LTBP1: variants seen among roughly 807,000 people sequenced by gnomAD.
LTBP1 encodes the protein latent transforming growth factor beta binding protein 1.
LTBP1 carries 129 observed loss-of-function variants against 207.6 expected under a neutral mutation model. The ratio of observed to expected loss-of-function variants is 0.62; its 90% CI spans 0.54 to 0.72. The LOEUF is 0.72. Among genes scored for constraint, LTBP1 ranks in the 30% least tolerant of loss-of-function variants. LTBP1 has a pLI of 0.00. For synonymous variants in LTBP1, 963 were observed against 833.7 expected (o/e 1.16, Z -2.67); for missense variants, 2,281 against 2,217.2 (o/e 1.03, Z -0.58).
At chr2:33,389,617 G>A (rs984557918) in intron 32 of LTBP1, among the ~76,000 whole-genome samples, 4 of 152,128 alleles carry the variant, frequency 2.6e-5, no homozygotes, top group Non-Finnish European at 4.4e-5. Flanking sequence ...GAATAGTCTT[G>A]CTGGTGGGGA....
chr2:33,054,064 C>G (rs219073), intron 3 of LTBP1, among the ~76,000 whole-genome samples: 123,603 of 152,116 alleles, frequency 0.81, 53,157 homozygotes, highest in Non-Finnish European at 0.97. Context: ...GAGTGCAGGA[C>G]AATACAGAAG....
At chr2:33,303,051 A>G (rs997883365) in intron 22 of LTBP1, among the ~76,000 whole-genome samples, 1 of 152,036 alleles carries the variant, frequency 6.6e-6, no homozygotes, top group African/African-American at 2.4e-5. Flanking sequence ...ATAATATAAG[A>G]TAGGACTATG....
At position 33,134,811 on chromosome 2, in the gene LTBP1, G is replaced by C; in HGVS notation, c.1052G>C (p.Arg351Pro). 3 of 1,613,962 alleles carry C rather than the reference G, an allele frequency of 1.9e-6. No individual in the cohort carries two copies. Among genetic ancestry groups the C allele is most frequent in the Non-Finnish European group, 2.5e-6 (3 of 1,179,996 alleles). ...APFQLSNHTG[R>P]IKVVFTPSIC... ...CTCCTAGTGAGTAACCACACTGGCCGCATCAAGGTGGTCTTTACTCCGAGC... is the reference window on the plus strand; with the variant it reads ...CTCCTAGTGAGTAACCACACTGGCCCCATCAAGGTGGTCTTTACTCCGAGC... Residue 351 changes from arginine (R) to proline (P), a missense_variant, in exon 5 of 34, where the codon CGC (arginine) becomes CCC (proline). Arg to Pro is a moderately radical substitution (Grantham distance 103). This residue lies in a region of LTBP1 where 555 missense variants were observed against 491.0 expected (regional missense o/e 1.13). Coordinates refer to ENST00000404816, the MANE Select transcript of LTBP1 (RefSeq NM_206943.4). This position sits in a 1 kb window ranked among gnomAD's most constrained non-coding sequence, Gnocchi z 4.4.
At chr2:32,991,959 T>C (rs1340515862) in intron 2 of LTBP1, among the ~76,000 whole-genome samples, 3 of 152,222 alleles carry the variant, frequency 2.0e-5, no homozygotes, top group African/African-American at 7.2e-5. Flanking sequence ...CTGGTATTAT[T>C]GGTCTCCACT....
chr2:33,086,998 A>G (rs1572569869), intron 3 of LTBP1, among the ~76,000 whole-genome samples: 1 of 147,434 alleles, frequency 6.8e-6, no homozygotes, highest in South Asian at 2.2e-4. Context: ...GATCACAGAG[A>G]TTATTCTTAG....
At chr2:33,300,638 G>A (rs1042287591) in intron 21 of LTBP1, 65 bp downstream of exon 21, 18 of 1,516,808 alleles carry the variant, frequency 1.2e-5, no homozygotes, top group South Asian at 7.4e-5. Context: ...AAAAAGGTAC[G>A]CTCAATCAAG....
At chr2:32,968,203 T>C (rs1680284248) in intron 2 of LTBP1, among the ~76,000 whole-genome samples, 1 of 152,186 alleles carries the variant, frequency 6.6e-6, no homozygotes, top group Non-Finnish European at 1.5e-5. Flanking sequence ...CCTTATCAGG[T>C]GATCCGCCTG....
rs1481591155 is a variant in LTBP1, at chr2:33,300,495, T to G, written c.3280T>G (p.Cys1094Gly). 2 of 1,613,702 alleles carry G rather than the reference T, an allele frequency of 1.2e-6. No individual in the cohort carries two copies. Among genetic ancestry groups the G allele is most frequent in the Non-Finnish European group, 1.7e-6 (2 of 1,179,802 alleles). ...AGGGAATCTATGTGTAAACGGGCAG[T>G]GCAAAAATACCGAGGGCTCCTTCAG... is the stretch of plus-strand genomic sequence containing the variant. ...QQGNLCVNGQ[C>G]KNTEGSFRCT... Residue 1094 changes from cysteine (C) to glycine (G), a missense_variant, in exon 21 of 34, where the codon TGC becomes GGC. By Grantham distance (159) the Cys-to-Gly change is radical. Coordinates refer to ENST00000404816, the MANE Select transcript of LTBP1 (RefSeq NM_206943.4).
In LTBP1 at chr2:33,238,052, A is replaced by G. The variant is rs115531291; in HGVS notation, c.1877-5610A>G. On this transcript the variant is annotated intron_variant, in intron 9 of 33. Transcript: ENST00000404816. ...TTCTTTGGAAGTTTAAGAAATATAT[A>G]TATTGTCTAAGTGATCCTTATTAAA... is the stretch of plus-strand genomic sequence containing the variant. Among the ~76,000 whole-genome samples the G allele has an allele frequency of 6.8e-3, 1,032 of 151,612 alleles. 5 individuals are homozygous for G. Among genetic ancestry groups the G allele is most frequent in the Middle Eastern group, 0.034 (10 of 294 alleles).
intron 3 of LTBP1, among the ~76,000 whole-genome samples, chr2:33,036,522 A>C (rs373952231): frequency 1.3e-5 from 2 of 151,858 alleles, no homozygotes; most frequent in African/African-American, 2.4e-5. Context: ...CAGTGGGGCA[A>C]TCTCAGCTCA....
At chr2:33,031,142 T>C (rs2149318377) in intron 3 of LTBP1, among the ~76,000 whole-genome samples, 1 of 152,342 alleles carries the variant, frequency 6.6e-6, no homozygotes, top group East Asian at 1.9e-4. Context: ...AATTGGATTG[T>C]AAAAAATCCC....
In LTBP1 at chr2:33,342,904, C is replaced by T. The variant is rs61751742; in HGVS notation, c.3797C>T (p.Ser1266Phe). The T allele has an allele frequency of 9.2e-3, 14,899 of 1,613,988 alleles. 93 individuals carry two copies. Among genetic ancestry groups the T allele is most frequent in the Non-Finnish European group, 0.011 (13,121 of 1,179,866 alleles). ...SHGFCDNTAG[S>F]FRCLCYQGFQ... ...GGGTTTTGTGACAATACAGCTGGCTCCTTCCGCTGCCTCTGTTATCAGGGC... is the reference window on the plus strand; with the variant it reads ...GGGTTTTGTGACAATACAGCTGGCTTCTTCCGCTGCCTCTGTTATCAGGGC... Residue 1266 changes from serine (S) to phenylalanine (F), a missense_variant, in exon 25 of 34, where the codon TCC becomes TTC. Ser to Phe is a radical substitution (Grantham distance 155). Around this residue, in one of 3 missense-constraint regions of LTBP1, gnomAD observed 1,671 missense variants for 1,634.8 expected, o/e 1.02. Transcript: ENST00000404816.
chr2:33,388,029 T>C (rs1170076996), intron 31 of LTBP1, among the ~76,000 whole-genome samples: 4 of 152,166 alleles, frequency 2.6e-5, no homozygotes, highest in Admixed American at 2.0e-4. Flanking sequence ...CTTTGGGAAG[T>C]GTATTTTGTG....
intron 13 of LTBP1, among the ~76,000 whole-genome samples, chr2:33,262,237 G>T (rs2093033749): frequency 6.6e-6 from 1 of 152,218 alleles, no homozygotes; most frequent in Non-Finnish European, 1.5e-5. Context: ...CATAGTAACT[G>T]ACTGGTTTAA....
At chr2:33,066,931 C>G (rs544602684) in intron 3 of LTBP1, among the ~76,000 whole-genome samples, 14 of 152,254 alleles carry the variant, frequency 9.2e-5, no homozygotes, top group South Asian at 6.2e-4. Flanking sequence ...CTTTGGGAGG[C>G]TGAGATGAGA....
At chr2:33,234,780 A>G (rs1161597860) in intron 9 of LTBP1, among the ~76,000 whole-genome samples, 1 of 152,196 alleles carries the variant, frequency 6.6e-6, no homozygotes, top group Admixed American at 6.5e-5. Context: ...CCTAAGGAAA[A>G]AGAACAAAGC....
intron 22 of LTBP1, among the ~76,000 whole-genome samples, chr2:33,302,855 G>T (rs1031800016): frequency 6.6e-6 from 1 of 151,768 alleles, no homozygotes; most frequent in Non-Finnish European, 1.5e-5. Flanking sequence ...CTGAGGTCAG[G>T]AGGTCAAGAC....
At chr2:33,185,312 G>A (rs913691571) in intron 5 of LTBP1, among the ~76,000 whole-genome samples, 9 of 152,180 alleles carry the variant, frequency 5.9e-5, no homozygotes, top group Non-Finnish European at 1.0e-4. Context: ...TGAGGGGGCA[G>A]CACCCAGGTG....
rs570874131 is a variant in LTBP1 at position 33,111,148 on chromosome 2, G to C, written c.1033+397G>C. Among the ~76,000 whole-genome samples, 6 of 152,248 alleles carry C rather than the reference G, an allele frequency of 3.9e-5. No homozygotes were observed. In the East Asian group the frequency reaches 1.2e-3, roughly 29 times the overall value. ...GAAATGTCCTGCATAGCTCTCTGAG[G>C]TTCTCCTACAGTGGATATTTTTACA... is the stretch of plus-strand genomic sequence containing the variant. On this transcript the variant is annotated intron_variant, in intron 4 of 33. Transcript: ENST00000404816.
Sources: allele counts gnomAD v4.1 joint callset (sites outside exome capture counted in the v4.1 genomes callset), GRCh38; gene constraint gnomAD v4.1.1; regional missense constraint gnomAD v4.1.1; non-coding constraint Gnocchi (gnomAD v3.1); transcripts MANE v1.5; gene names NCBI Gene and HGNC (gene_info 2026-07-23, HGNC 2026-07-21).